Variants in ORC3 observed in about 807,000 individuals in gnomAD.
ORC3 encodes the protein homolog of latheo, Drosophila.
Under a neutral mutation model 100.7 loss-of-function variants are expected in ORC3, and 78 were observed. The observed-to-expected ratio is 0.77, with a 90% CI of 0.65 to 0.94. ORC3 has a LOEUF of 0.94. Among genes scored for constraint, ORC3 ranks in the 40% least tolerant of loss-of-function variants. The probability of loss-of-function intolerance (pLI) is 0.00; values close to 1 mark genes in which losing one functional copy is unlikely to be tolerated. For synonymous variants in ORC3, 295 were observed against 289.3 expected (o/e 1.02, Z -0.20); for missense variants, 789 against 823.9 (o/e 0.96, Z 0.52).
chr6:87,590,931 T>C (rs1776829017), intron 1 of ORC3, among the ~76,000 whole-genome samples: 1 of 152,206 alleles, frequency 6.6e-6, no homozygotes, highest in Non-Finnish European at 1.5e-5. Context: ...CCTCCTCATG[T>C]TGGCTACCTA....
intron 13 of ORC3, among the ~76,000 whole-genome samples, chr6:87,639,077 A>T (rs528505240): frequency 6.6e-6 from 1 of 152,230 alleles, no homozygotes; most frequent in Non-Finnish European, 1.5e-5. Flanking sequence ...TTGAAACATA[A>T]ATGAATTTTG....
intron 13 of ORC3, among the ~76,000 whole-genome samples, chr6:87,648,354 TTCAGA>T (rs766362818): frequency 1.3e-5 from 2 of 152,250 alleles, no homozygotes; most frequent in Non-Finnish European, 2.9e-5. Flanking sequence ...CTATTTGCAC[TTCAGA>T]TATTTTTCCA....
At chr6:87,633,305 C>T (rs1767570076) in intron 11 of ORC3, among the ~76,000 whole-genome samples, 1 of 152,122 alleles carries the variant, frequency 6.6e-6, no homozygotes, top group Non-Finnish European at 1.5e-5. Context: ...CAGTAAAAAA[C>T]TAAAGAACTA....
At position 87,610,557 on chromosome 6, in the gene ORC3, T is replaced by A. The variant is rs551625527; in HGVS notation, c.713+1328T>A. 6.9e-3 allele frequency among the ~76,000 whole-genome samples: 910 copies of A among 132,114 alleles called. 62 individuals are homozygous for A. Among genetic ancestry groups the A allele is most frequent in the African/African-American group, 0.025 (787 of 31,502 alleles). 86.7% of individuals were successfully genotyped at this position (132,114 alleles called of 152,430 possible). ...ATACTTTATTTTTTTTTATTTTTTA[T>A]TTTTTTTGAGACGGAGTCTCGCTCT... On this transcript the variant is annotated intron_variant, in intron 7 of 19. Transcript: ENST00000392844.
chr6:87,594,453 C>G (rs1201642601), intron 2 of ORC3, 46 bp downstream of exon 2: 1 of 1,485,646 alleles, frequency 6.7e-7, no homozygotes, highest in Non-Finnish European at 9.2e-7. Context: ...CCTTCTTAAA[C>G]TATTAGGAAC....
chr6:87,649,704 C>T (rs1029333988), intron 13 of ORC3, among the ~76,000 whole-genome samples: 1 of 152,138 alleles, frequency 6.6e-6, no homozygotes, highest in Non-Finnish European at 1.5e-5. Flanking sequence ...TGAGATTGCA[C>T]CATTGCACTC....
In ORC3 at chr6:87,605,922, A is replaced by T; in HGVS notation, c.328A>T (p.Asn110Tyr). The change falls in exon 5 of 20, where the codon AAT becomes TAT. Residue 110 changes from asparagine (N) to tyrosine (Y), a missense_variant. Asn to Tyr is a moderately radical substitution (Grantham distance 143). This residue lies in a region of ORC3 where 399 missense variants were observed against 382.0 expected (regional missense o/e 1.04). Coordinates refer to ENST00000392844, the MANE Select transcript of ORC3 (RefSeq NM_012381.4). ...ATTGATGTATTATCTCATAGGTGTG[A>T]ATGTCACAGATCATGATTTGACATT... ...IPTAALVLGV[N>Y]VTDHDLTFGS... is the part of the protein sequence containing the mutation. The T allele has an allele frequency of 6.4e-7, 1 of 1,560,136 alleles. No individual in the cohort carries two copies.
At chr6:87,624,745 C>A (rs1164134133) in intron 11 of ORC3, among the ~76,000 whole-genome samples, 2 of 151,992 alleles carry the variant, frequency 1.3e-5, no homozygotes, top group Admixed American at 1.3e-4. Flanking sequence ...GCGCAACGTG[C>A]AGGTTTGTTA....
At chr6:87,590,753 G>C (rs1007739056) in intron 1 of ORC3, among the ~76,000 whole-genome samples, 1 of 152,108 alleles carries the variant, frequency 6.6e-6, no homozygotes, top group African/African-American at 2.4e-5. Context: ...GGGCGAGGAG[G>C]GCAGAGAGAA....
In ORC3 at chr6:87,641,057, C is replaced by T. The variant is rs527364533; in HGVS notation, c.1382+4571C>T. On this transcript the variant is annotated intron_variant, in intron 13 of 19. Coordinates refer to ENST00000392844, the MANE Select transcript of ORC3 (RefSeq NM_012381.4). ...CTGGGAGGCAGAGGTTGCAGTGAGC[C>T]GAGACCTTGCCATTGCACTCCAGCC... Among the ~76,000 whole-genome samples, 764 of 151,732 alleles carry T rather than the reference C, an allele frequency of 5.0e-3. 6 individuals are homozygous for T. The highest frequency in any genetic ancestry group is 0.018 in the African/African-American group (725 of 41,318).
intron 11 of ORC3, among the ~76,000 whole-genome samples, chr6:87,625,180 G>A (rs1459410353): frequency 2.0e-5 from 3 of 152,128 alleles, no homozygotes; most frequent in Non-Finnish European, 4.4e-5. Context: ...CTTTGTAGTC[G>A]TATGATTTAT....
intron 19 of ORC3, among the ~76,000 whole-genome samples, 184 bp downstream of exon 19, chr6:87,666,017 A>G (rs1344042487): frequency 6.6e-6 from 1 of 152,226 alleles, no homozygotes; most frequent in Non-Finnish European, 1.5e-5. Flanking sequence ...TTTAATCCAA[A>G]ATGAGACCAA....
chr6:87,618,494 T>G (rs773317752), intron 9 of ORC3, among the ~76,000 whole-genome samples: 1 of 151,956 alleles, frequency 6.6e-6, no homozygotes, highest in Non-Finnish European at 1.5e-5. Context: ...CCCACAAATC[T>G]GAGTAGTCAG....
At chr6:87,648,526 A>G (rs960137120) in intron 13 of ORC3, among the ~76,000 whole-genome samples, 1 of 152,176 alleles carries the variant, frequency 6.6e-6, no homozygotes, top group African/African-American at 2.4e-5. Flanking sequence ...TAGCATGCTC[A>G]GTAAGAGCAT....
chr6:87,604,799 A>G (rs1000009061), intron 4 of ORC3, among the ~76,000 whole-genome samples: 1 of 152,130 alleles, frequency 6.6e-6, no homozygotes. Flanking sequence ...TCTATTTTCA[A>G]TATCCATTTA....
rs1441833224 is a variant in ORC3, at chr6:87,667,119, G to T, written c.2132G>T (p.Cys711Phe). Residue 711 changes from cysteine to phenylalanine, a missense_variant, in exon 20 of 20, where the codon TGC (cysteine) becomes TTC (phenylalanine). Physicochemically the swap from Cys to Phe is radical, Grantham distance 205. Coordinates refer to ENST00000392844, the MANE Select transcript of ORC3 (RefSeq NM_012381.4). ...DHVARLTWGGC is the reference protein window; with the variant it reads ...DHVARLTWGGF The stretch of plus-strand genomic sequence containing the variant: ...GTGGCAAGACTAACATGGGGAGGCT[G>T]CTAGAAAGCAAATAAGCAAAGCCAG... 3 of 1,583,182 alleles carry T rather than the reference G, an allele frequency of 1.9e-6. No homozygotes were observed. Among genetic ancestry groups the T allele is most frequent in the Non-Finnish European group, 1.7e-6 (2 of 1,158,314 alleles).
intron 1 of ORC3, among the ~76,000 whole-genome samples, chr6:87,592,166 A>G (rs988973505): frequency 2.6e-5 from 4 of 152,174 alleles, no homozygotes; most frequent in African/African-American, 9.7e-5. Flanking sequence ...GCCCTATATT[A>G]AGATCCTTTC....
chr6:87,647,567 C>T (rs960887583), intron 13 of ORC3, among the ~76,000 whole-genome samples: 1 of 151,992 alleles, frequency 6.6e-6, no homozygotes, highest in Admixed American at 6.5e-5. Flanking sequence ...ACGCATATAT[C>T]GTATATATGA....
At chr6:87,620,051 A>G (rs1480744493) in intron 9 of ORC3, among the ~76,000 whole-genome samples, 1 of 152,222 alleles carries the variant, frequency 6.6e-6, no homozygotes, top group African/African-American at 2.4e-5. Flanking sequence ...TTAGGTGGAT[A>G]TGTTAACCAA....
Sources: allele counts gnomAD v4.1 joint callset (sites outside exome capture counted in the v4.1 genomes callset), GRCh38; gene constraint gnomAD v4.1.1; regional missense constraint gnomAD v4.1.1; transcripts MANE v1.5; gene names NCBI Gene and HGNC (gene_info 2026-07-23, HGNC 2026-07-21).